Variants in ANK3 observed in about 807,000 individuals in gnomAD.
The protein encoded by ANK3 is ankyrin 3, also known as ankyrin-3.
ANK3 carries 57 observed loss-of-function variants against 370.9 expected under a neutral mutation model. The ratio of observed to expected loss-of-function variants is 0.15; its 90% confidence interval spans 0.12 to 0.19. ANK3 has a LOEUF of 0.19. Ranked by LOEUF, ANK3 falls within the 10% of genes least tolerant of loss-of-function variation. ANK3 has a pLI of 1.00. For synonymous variants in ANK3, 1,929 were observed against 1,946.3 expected (o/e 0.99, Z 0.23); for missense variants, 4,439 against 5,302.1 (o/e 0.84, Z 5.06).
At chr10:60,170,639 T>C (rs2132308133) in intron 21 of ANK3, among the ~76,000 whole-genome samples, 1 of 152,294 alleles carries the variant, frequency 6.6e-6, no homozygotes, top group East Asian at 1.9e-4. Context: ...CTTCTCTCTT[T>C]TGCAGAAAGT....
chr10:60,093,829 C>T (rs2089374435), intron 28 of ANK3, among the ~76,000 whole-genome samples: 1 of 152,118 alleles, frequency 6.6e-6, no homozygotes, highest in Admixed American at 6.5e-5. Flanking sequence ...CAGAGAAGCT[C>T]CGAGGAGAAG....
intron 2 of ANK3, among the ~76,000 whole-genome samples, chr10:60,408,353 C>T (rs115040249): frequency 0.02 from 3,118 of 152,118 alleles, 111 homozygotes; most frequent in African/African-American, 0.071. Flanking sequence ...TTAGATCGTC[C>T]CCGCTTTGTA....
chr10:60,717,631 T>G (rs954114860), intron 1 of ANK3, among the ~76,000 whole-genome samples: 17 of 152,214 alleles, frequency 1.1e-4, no homozygotes, highest in African/African-American at 4.1e-4. Flanking sequence ...GTTAATAATA[T>G]TTATTATGCC....
At chr10:60,240,306 A>ATATATTTT (rs11282162) in intron 7 of ANK3, among the ~76,000 whole-genome samples, 4,501 of 119,682 alleles carry the variant, frequency 0.038, 319 homozygotes, top group Non-Finnish European at 0.052. Context: ...ATATATATAT[A>ATATATTTT]TTTTTTTTTC....
intron 2 of ANK3, among the ~76,000 whole-genome samples, chr10:60,464,149 G>C (rs1430258377): frequency 6.6e-6 from 1 of 152,042 alleles, no homozygotes; most frequent in Admixed American, 6.6e-5. Flanking sequence ...CAGAGATAAG[G>C]GTGCTAATCG....
chr10:60,558,488 A>G (rs576691253), intron 2 of ANK3, among the ~76,000 whole-genome samples: 1 of 152,288 alleles, frequency 6.6e-6, no homozygotes, highest in East Asian at 1.9e-4. Context: ...CTATTACATC[A>G]CAGCCAAGAC....
At chr10:60,706,156 TTCTC>T (rs1292825875) in intron 1 of ANK3, among the ~76,000 whole-genome samples, 1 of 152,190 alleles carries the variant, frequency 6.6e-6, no homozygotes, top group Non-Finnish European at 1.5e-5. Flanking sequence ...TATTTTCTGA[TTCTC>T]TCTTGACAGA....
intron 1 of ANK3, among the ~76,000 whole-genome samples, chr10:60,366,786 A>G (rs1457978070): frequency 6.6e-6 from 1 of 152,158 alleles, no homozygotes; most frequent in Non-Finnish European, 1.5e-5. Flanking sequence ...CAAATGTGAT[A>G]ATGTACATGA....
Position 60,108,958 on chromosome 10 carries a change from C to A in ANK3, c.3045G>T (p.Thr1015=), listed in dbSNP as rs3750800. 492,812 of 1,613,664 alleles carry A rather than the reference C, an allele frequency of 0.31. 80,669 individuals carry two copies. Among genetic ancestry groups the A allele is most frequent in the Non-Finnish European group, 0.34 (396,198 of 1,179,748 alleles). Residue 1015 remains threonine (T), a synonymous_variant, in exon 27 of 44, where the codon ACG becomes ACT. Transcript: ENST00000280772. ...AACGGCAGGTGATTCGAGTGGGGGC[C>A]GTACACTTGCGTGGAGGAATGATGA... is the stretch of plus-strand genomic sequence containing the variant. The part of the protein sequence containing the change: ...MRIIIPPRKC[T]APTRITCRLV...
At chr10:60,339,702 CA>C (rs1451083351) in intron 1 of ANK3, among the ~76,000 whole-genome samples, 2 of 152,076 alleles carry the variant, frequency 1.3e-5, no homozygotes, top group Non-Finnish European at 2.9e-5. Context: ...CTGATTTGTC[CA>C]GACAACTTTC....
Position 60,335,342 on chromosome 10 carries a change from T to C in ANK3, c.114+54083A>G, listed in dbSNP as rs562984582. ...AAGGAATAAAGCTACTGTGGGACATTAAAAAAAAAACTGTAAACACATGAT... is the reference window on the plus strand; with the variant it reads ...AAGGAATAAAGCTACTGTGGGACATCAAAAAAAAAACTGTAAACACATGAT... On this transcript the variant is annotated intron_variant, in intron 1 of 43. Coordinates refer to ENST00000280772, the MANE Select transcript of ANK3 (RefSeq NM_020987.5). Among the ~76,000 whole-genome samples, 23 of 148,386 alleles carry C rather than the reference T, an allele frequency of 1.6e-4. 1 individual carries two copies. The South Asian group carries it at 4.9e-3, about 32-fold the overall frequency.
chr10:60,059,910 G>C lies in ANK3; in HGVS notation c.12596-480C>G, dbSNP rs201845881. The stretch of plus-strand genomic sequence containing the variant: ...GGTTCTAAGGGGAGATTCTATGCTA[G>C]AGATATCACTAAAATAATCATCTTG... On this transcript the variant is annotated intron_variant, in intron 40 of 43. Coordinates refer to ENST00000280772, the MANE Select transcript of ANK3 (RefSeq NM_020987.5). 438 of 1,614,162 alleles carry C rather than the reference G, an allele frequency of 2.7e-4. 3 individuals carry two copies. In the East Asian group the frequency reaches 7.4e-3, roughly 27 times the overall value.
At chr10:60,163,236 G>A (rs879806) in intron 23 of ANK3, among the ~76,000 whole-genome samples, 10,101 of 152,120 alleles carry the variant, frequency 0.066, 507 homozygotes, top group East Asian at 0.23. Flanking sequence ...AGTTTTGTAC[G>A]TATATTAAAG....
At chr10:60,446,466 C>T (rs1396581836) in intron 2 of ANK3, among the ~76,000 whole-genome samples, 2 of 152,126 alleles carry the variant, frequency 1.3e-5, no homozygotes, top group African/African-American at 4.8e-5. Context: ...GTCAGCATGA[C>T]TTAGTATGAG....
intron 2 of ANK3, among the ~76,000 whole-genome samples, chr10:60,461,136 A>G (rs2064873992): frequency 6.6e-6 from 1 of 152,156 alleles, no homozygotes; most frequent in South Asian, 2.1e-4. Flanking sequence ...AGCACGTCAC[A>G]TCCTATCACA....
intron 1 of ANK3, among the ~76,000 whole-genome samples, chr10:60,362,278 T>G (rs2058727262): frequency 6.6e-6 from 1 of 152,252 alleles, no homozygotes; most frequent in African/African-American, 2.4e-5. Flanking sequence ...CACACTTGTT[T>G]AACTATCTTA....
chr10:60,104,405 GAAAGA>G lies in ANK3; in HGVS notation c.3328+1495_3328+1499del, dbSNP rs71015766. The stretch of plus-strand genomic sequence containing the variant: ...AAAAAAAAAAAAAGAAACAAAGAAA[GAAAGA>G]AAAGAAAAGAAAAGAAAAGAAGTAG... On this transcript the variant is annotated intron_variant, in intron 28 of 43. Transcript: ENST00000280772. Among the ~76,000 whole-genome samples the G allele has an allele frequency of 5.9e-3, 523 of 88,280 alleles. 1 individual carries two copies. The highest frequency in any genetic ancestry group is 7.2e-3 in the Non-Finnish European group (354 of 49,018). The allele number at this position is 88,280 out of a possible 152,430, so 57.9% of individuals were successfully genotyped here. A position where few individuals can be genotyped will look rare whatever the true frequency, so the allele number is the denominator to read the frequency against.
chr10:60,641,185 T>C (rs1275329968), intron 1 of ANK3, among the ~76,000 whole-genome samples: 6 of 148,220 alleles, frequency 4.0e-5, no homozygotes, highest in East Asian at 2.0e-4. Context: ...GAATCAATAT[T>C]GTGAAAATGG....
intron 28 of ANK3, among the ~76,000 whole-genome samples, chr10:60,095,556 C>T (rs2089933379): frequency 6.6e-6 from 1 of 152,090 alleles, no homozygotes; most frequent in African/African-American, 2.4e-5. Context: ...AATTTCTAAA[C>T]TTTTTTTGTA....
Sources: allele counts gnomAD v4.1 joint callset (sites outside exome capture counted in the v4.1 genomes callset), GRCh38; gene constraint gnomAD v4.1.1; transcripts MANE v1.5; gene names NCBI Gene and HGNC (gene_info 2026-07-23, HGNC 2026-07-21).